Variants in FHOD3 observed in about 807,000 individuals in gnomAD.
The protein encoded by FHOD3 is formin homology 2 domain containing 3, also known as FH1/FH2 domain-containing protein 3.
FHOD3 carries 90 observed loss-of-function variants against 173.0 expected under a neutral mutation model. The observed-to-expected ratio is 0.52, with a 90% CI of 0.44 to 0.62. The LOEUF (loss-of-function observed/expected upper bound fraction) is 0.62, where lower values mean the gene tolerates loss of function less well. Among genes scored for constraint, FHOD3 ranks in the 20% least tolerant of loss-of-function variants. The probability of loss-of-function intolerance (pLI) is 0.00; values close to 1 mark genes in which losing one functional copy is unlikely to be tolerated. For synonymous variants in FHOD3, 828 were observed against 823.0 expected (o/e 1.01, Z -0.10); for missense variants, 1,945 against 2,034.7 (o/e 0.96, Z 0.85).
intron 3 of FHOD3, among the ~76,000 whole-genome samples, chr18:36,419,427 A>G (rs1192780395): frequency 6.6e-6 from 1 of 151,996 alleles, no homozygotes; most frequent in African/African-American, 2.4e-5. Context: ...TTGGGTTTGT[A>G]CATAAAATGC....
At chr18:36,365,441 C>A (rs1226490756) in intron 2 of FHOD3, among the ~76,000 whole-genome samples, 2 of 152,162 alleles carry the variant, frequency 1.3e-5, no homozygotes, top group African/African-American at 4.8e-5. Context: ...TGTTTAATTT[C>A]ATTTGTATGA....
At chr18:36,486,975 G>A (rs553232599) in intron 3 of FHOD3, among the ~76,000 whole-genome samples, 34 of 152,280 alleles carry the variant, frequency 2.2e-4, no homozygotes, top group Non-Finnish European at 3.2e-4. Context: ...GGCTGCATGC[G>A]TCAGTAGTCT....
At chr18:36,530,723 T>C (rs1439346149) in intron 5 of FHOD3, among the ~76,000 whole-genome samples, 2 of 152,246 alleles carry the variant, frequency 1.3e-5, no homozygotes, top group African/African-American at 4.8e-5. Flanking sequence ...CTCTAGGATT[T>C]ACCTAGGGGT....
chr18:36,371,985 C>T (rs1252628752), intron 2 of FHOD3, among the ~76,000 whole-genome samples: 1 of 136,416 alleles, frequency 7.3e-6, no homozygotes, highest in Non-Finnish European at 1.5e-5. Flanking sequence ...TTATCTCCTT[C>T]TACCAACTGC....
Position 36,649,304 on chromosome 18 carries a change from G to A in FHOD3, c.1197-12G>A, listed in dbSNP as rs1252942258. The A allele has an allele frequency of 6.5e-7, 1 of 1,533,926 alleles. No homozygotes were observed. The highest frequency in any genetic ancestry group is 2.0e-5 in the Admixed American group (1 of 50,860). ...GTCTGTGTGCATTTCTCTTTTCCTG[G>A]CTTTGTCTCAGGGAGGAGGAGGAGG... On this transcript the variant is annotated splice_polypyrimidine_tract_variant and intron_variant, in intron 10 of 28. Transcript: ENST00000590592.
intron 3 of FHOD3, among the ~76,000 whole-genome samples, chr18:36,482,732 T>C (rs1263271868): frequency 6.6e-6 from 1 of 152,054 alleles, no homozygotes; most frequent in Non-Finnish European, 1.5e-5. Flanking sequence ...AGAGCAAGTC[T>C]TTTATCTTTC....
chr18:36,437,682 T>TTTTTTTTTTTTA (rs71168224), intron 3 of FHOD3, among the ~76,000 whole-genome samples: 6,055 of 128,910 alleles, frequency 0.047, 418 homozygotes, highest in Non-Finnish European at 0.075. Flanking sequence ...TTTTTTTTTT[T>TTTTTTTTTTTTA]AAGACAGAGT....
At chr18:36,393,610 T>C (rs2048409216) in intron 3 of FHOD3, among the ~76,000 whole-genome samples, 1 of 152,022 alleles carries the variant, frequency 6.6e-6, no homozygotes, top group African/African-American at 2.4e-5. Flanking sequence ...CAATTCAGGG[T>C]ATTGGGCTAC....
rs139057219 is a variant in FHOD3 at position 36,680,312 on chromosome 18, T to C, written c.1836-1124T>C. Among the ~76,000 whole-genome samples, 1,282 of 152,346 alleles carry C rather than the reference T, an allele frequency of 8.4e-3. 57 individuals carry two copies. Among genetic ancestry groups the C allele is most frequent in the Admixed American group, 0.074 (1,139 of 15,298 alleles). ...GTCTGTAATATGAAAGTCACATCTTTCTCCTGCACTGAGATCTGTGTTCCC... is the reference window on the plus strand; with the variant it reads ...GTCTGTAATATGAAAGTCACATCTTCCTCCTGCACTGAGATCTGTGTTCCC... On this transcript the variant is annotated intron_variant, in intron 14 of 28. Transcript: ENST00000590592.
Position 36,446,410 on chromosome 18 carries a change from CT to C in FHOD3, c.338-55507del, listed in dbSNP as rs370689817. 3.5e-3 allele frequency among the ~76,000 whole-genome samples: 504 copies of C among 143,816 alleles called. 1 individual carries two copies. Among genetic ancestry groups the C allele is most frequent in the Middle Eastern group, 3.7e-3 (1 of 268 alleles). The allele number at this position is 143,816 out of a possible 152,430, so 94.3% of individuals were successfully genotyped here. ...ACTCAGCAGCCCAAGCCTCTGCGGA[CT>C]TTTTTTTTTTTTTTGCTTTTCCAGT... On this transcript the variant is annotated intron_variant, in intron 3 of 28. Transcript: ENST00000590592.
intron 3 of FHOD3, among the ~76,000 whole-genome samples, chr18:36,460,732 A>G (rs941995325): frequency 6.6e-6 from 1 of 152,220 alleles, no homozygotes; most frequent in Non-Finnish European, 1.5e-5. Context: ...ATTAATGACC[A>G]CATAGCAAGT....
At chr18:36,333,767 A>T (rs2045148494) in intron 1 of FHOD3, among the ~76,000 whole-genome samples, 1 of 152,148 alleles carries the variant, frequency 6.6e-6, no homozygotes, top group Admixed American at 6.5e-5. Context: ...TGGGGGTGGG[A>T]TCCAGCACTC....
At chr18:36,524,409 G>A (rs1442644830) in intron 5 of FHOD3, among the ~76,000 whole-genome samples, 1 of 152,154 alleles carries the variant, frequency 6.6e-6, no homozygotes, top group Non-Finnish European at 1.5e-5. Flanking sequence ...ACATGGTGAG[G>A]CCAGGGGCGT....
At chr18:36,522,851 C>G (rs781036787) in intron 5 of FHOD3, among the ~76,000 whole-genome samples, 3 of 152,202 alleles carry the variant, frequency 2.0e-5, no homozygotes, top group Non-Finnish European at 4.4e-5. Flanking sequence ...AATGAGAAGA[C>G]AGCAATTATA....
Position 36,718,403 on chromosome 18 carries a change from AC to A in FHOD3, c.3110del (p.Pro1037LeufsTer31). ...PPTFLGLPPP[P>X]PPPLLDSIPP... Reference sequence around the variant, plus strand: ...CCACCTTTCTGGGTTTGCCGCCCCCACCCCCTCCGCCCCTGTTGGACAGCAT... The same window carrying A: ...CCACCTTTCTGGGTTTGCCGCCCCCACCCCTCCGCCCCTGTTGGACAGCAT... On this transcript the variant is annotated frameshift_variant, in exon 19 of 29. Transcript: ENST00000590592. LOFTEE classifies it high-confidence loss of function. The A allele has an allele frequency of 2.3e-6, 1 of 431,500 alleles. No individual in the cohort carries two copies. The highest frequency in any genetic ancestry group is 3.1e-6 in the Non-Finnish European group (1 of 321,136). 26.7% of individuals were successfully genotyped at this position (431,500 alleles called of 1,614,324 possible).
chr18:36,326,182 A>G (rs1472445321), intron 1 of FHOD3, among the ~76,000 whole-genome samples: 2 of 152,250 alleles, frequency 1.3e-5, no homozygotes, highest in Non-Finnish European at 2.9e-5. Context: ...AGTCAAGGAA[A>G]GAAATAACAA....
intron 10 of FHOD3, among the ~76,000 whole-genome samples, chr18:36,627,373 C>G (rs1392343052): frequency 6.6e-6 from 1 of 152,120 alleles, no homozygotes; most frequent in East Asian, 1.9e-4. Flanking sequence ...TGCTGTTACA[C>G]TTTTCGAGGA....
At chr18:36,435,269 A>T (rs1046374217) in intron 3 of FHOD3, among the ~76,000 whole-genome samples, 2 of 152,150 alleles carry the variant, frequency 1.3e-5, no homozygotes, top group Admixed American at 1.3e-4. Context: ...TTAGCTAAAT[A>T]AACTGCTAAA....
intron 1 of FHOD3, among the ~76,000 whole-genome samples, chr18:36,335,387 C>T (rs1405927213): frequency 6.7e-6 from 1 of 150,366 alleles, no homozygotes; most frequent in Non-Finnish European, 1.5e-5. Flanking sequence ...CCCAGCTACT[C>T]GGGAGGCTGA....
Sources: gnomAD v4.1 joint callset for allele counts (sites outside exome capture counted in the v4.1 genomes callset) on GRCh38, gnomAD v4.1.1 for gene constraint, MANE v1.5 for transcripts, NCBI Gene and HGNC (gene_info 2026-07-23, HGNC 2026-07-21) for gene names.